COG5: variants seen among roughly 807,000 people sequenced by gnomAD.
The protein encoded by COG5 is conserved oligomeric Golgi complex subunit 5.
Under a neutral mutation model 110.4 loss-of-function variants are expected in COG5, and 86 were observed. The observed-to-expected ratio is 0.78, with a 90% CI of 0.65 to 0.93. COG5 has a LOEUF of 0.93. COG5 is among the 40% of genes least tolerant of loss of function. The probability of loss-of-function intolerance (pLI) is 0.00; values close to 1 mark genes in which losing one functional copy is unlikely to be tolerated. For synonymous variants in COG5, 360 were observed against 334.6 expected (o/e 1.08, Z -0.83); for missense variants, 1,077 against 987.0 (o/e 1.09, Z -1.22).
intron 14 of COG5, among the ~76,000 whole-genome samples, chr7:107,259,930 A>G (rs1803196954): frequency 6.6e-6 from 1 of 152,016 alleles, no homozygotes; most frequent in African/African-American, 2.4e-5. Context: ...AGGTAATAAC[A>G]AATGCTGGCT....
intron 14 of COG5, 101 bp from the exon 15 acceptor site, chr7:107,258,484 T>A: frequency 2.6e-6 from 2 of 768,242 alleles, no homozygotes; most frequent in Non-Finnish European, 4.7e-6. Flanking sequence ...ACACACATTC[T>A]TTAACCGGGG....
chr7:107,511,274 C>A (rs1325879072), intron 6 of COG5, among the ~76,000 whole-genome samples: 2 of 152,178 alleles, frequency 1.3e-5, no homozygotes, highest in East Asian at 3.8e-4. Flanking sequence ...CACCTCTACG[C>A]AAATAAACTA....
At chr7:107,473,303 A>C (rs867409750) in intron 6 of COG5, among the ~76,000 whole-genome samples, 1 of 151,926 alleles carries the variant, frequency 6.6e-6, no homozygotes, top group African/African-American at 2.4e-5. Context: ...ATTTCATAGG[A>C]GTGATTAATG....
rs1340983946 is a variant in COG5 at position 107,295,087 on chromosome 7, ATATATATATATATATTTT to A, written c.1313+3037_1313+3054del. 3.7e-4 allele frequency among the ~76,000 whole-genome samples: 26 copies of A among 69,520 alleles called. 1 individual carries two copies. The highest frequency in any genetic ancestry group is 3.4e-3 in the South Asian group (6 of 1,766). The allele number at this position is 69,520 out of a possible 152,430, so 45.6% of individuals were successfully genotyped here. A position where few individuals can be genotyped will look rare whatever the true frequency, so the allele number is the denominator to read the frequency against. The stretch of plus-strand genomic sequence containing the variant: ...CACACATATATATATATATATATAT[ATATATATATATATATTTT>A]TTTTTTTTTTTTGTAGAGTCAGGAT... On this transcript the variant is annotated intron_variant, in intron 12 of 21. Coordinates refer to ENST00000297135, the MANE Select transcript of COG5 (RefSeq NM_006348.5).
chr7:107,323,057 C>G (rs768544918), intron 11 of COG5, among the ~76,000 whole-genome samples: 1 of 152,116 alleles, frequency 6.6e-6, no homozygotes, highest in African/African-American at 2.4e-5. Flanking sequence ...TGTTCTATAT[C>G]TTAATTGTAA....
At chr7:107,554,680 T>C (rs371986202) in intron 2 of COG5, among the ~76,000 whole-genome samples, 213 of 152,264 alleles carry the variant, frequency 1.4e-3, no homozygotes, top group African/African-American at 4.2e-3. Context: ...CATCAAGGCA[T>C]TGGCAAATTC....
At chr7:107,442,314 CAGA>C (rs1794752890) in intron 6 of COG5, among the ~76,000 whole-genome samples, 1 of 152,160 alleles carries the variant, frequency 6.6e-6, no homozygotes, top group African/African-American at 2.4e-5. Flanking sequence ...TCCCTAGAAG[CAGA>C]AGAATGTACA....
chr7:107,283,730 G>A lies in COG5; in HGVS notation c.1316C>T (p.Pro439Leu), dbSNP rs1805380800. Reference protein sequence around the residue: ...IFIPKKPDYDPEKALKDSLQP... With the variant: ...IFIPKKPDYDLEKALKDSLQP... The stretch of plus-strand genomic sequence containing the variant: ...TAGTGAGTCTTTCAAAGCCTTTTCT[G>A]GACTGTGGAAACAAAATTTTTTAAA... The change falls in exon 13 of 22, where the codon CCA becomes CTA. Residue 439 changes from proline (P) to leucine (L), a missense_variant and splice_region_variant. Pro to Leu is a moderately conservative substitution (Grantham distance 98, BLOSUM62 -3). Transcript: ENST00000297135. The A allele has an allele frequency of 6.2e-6, 10 of 1,613,496 alleles. No homozygotes were observed. The highest frequency in any genetic ancestry group is 1.6e-4 in the Middle Eastern group (1 of 6,076).
chr7:107,455,985 G>A (rs1191178251), intron 6 of COG5, among the ~76,000 whole-genome samples: 1 of 151,714 alleles, frequency 6.6e-6, no homozygotes, highest in East Asian at 1.9e-4. Context: ...TTTTAGTAGA[G>A]ACAGGGTTTC....
intron 6 of COG5, among the ~76,000 whole-genome samples, chr7:107,517,024 G>T (rs555883531): frequency 6.6e-6 from 1 of 152,192 alleles, no homozygotes; most frequent in African/African-American, 2.4e-5. Flanking sequence ...ATTGACAGAA[G>T]TAGGCTTCAG....
chr7:107,283,975 A>G (rs1168762469), intron 12 of COG5, among the ~76,000 whole-genome samples: 1 of 144,722 alleles, frequency 6.9e-6, no homozygotes, highest in Non-Finnish European at 1.5e-5. Context: ...TCCTGGCTGG[A>G]GTGCAACGGC....
chr7:107,324,602 T>C, intron 10 of COG5, 81 bp from the exon 11 acceptor site: 1 of 694,018 alleles, frequency 1.4e-6, no homozygotes, highest in Non-Finnish European at 2.5e-6. Flanking sequence ...CACGTAACCT[T>C]GAAAAGTTAT....
intron 5 of COG5, among the ~76,000 whole-genome samples, chr7:107,529,843 A>G (rs1801062463): frequency 6.6e-6 from 1 of 152,138 alleles, no homozygotes; most frequent in Non-Finnish European, 1.5e-5. Context: ...TGAGGAGGCA[A>G]GAATTGAGGT....
intron 11 of COG5, among the ~76,000 whole-genome samples, chr7:107,301,087 A>C (rs1056684595): frequency 6.6e-6 from 1 of 152,192 alleles, no homozygotes; most frequent in Non-Finnish European, 1.5e-5. Context: ...TAACAATTGA[A>C]TAGCTATATG....
chr7:107,554,539 C>T (rs1803160264), intron 2 of COG5, among the ~76,000 whole-genome samples, 197 bp from the exon 3 acceptor site: 1 of 152,158 alleles, frequency 6.6e-6, no homozygotes, highest in Non-Finnish European at 1.5e-5. Flanking sequence ...CAACACAGAG[C>T]AAGAGGAGTT....
intron 16 of COG5, among the ~76,000 whole-genome samples, chr7:107,248,816 G>A (rs970193702): frequency 6.6e-6 from 1 of 152,156 alleles, no homozygotes; most frequent in Non-Finnish European, 1.5e-5. Context: ...ATGAGGTAAA[G>A]GTCAAATGAA....
intron 3 of COG5, among the ~76,000 whole-genome samples, chr7:107,549,890 T>A (rs538122681): frequency 6.6e-6 from 1 of 152,266 alleles, no homozygotes; most frequent in South Asian, 2.1e-4. Flanking sequence ...TAGTATCTGT[T>A]CAATAAAATA....
intron 6 of COG5, among the ~76,000 whole-genome samples, chr7:107,413,540 C>CA (rs58689670): frequency 0.17 from 22,949 of 138,430 alleles, 4,106 homozygotes; most frequent in African/African-American, 0.45. Context: ...AAAAACACAA[C>CA]AAAAAAAAAA....
rs538130365 is a variant in COG5 at position 107,510,477 on chromosome 7, T to C, written c.538+16760A>G. On this transcript the variant is annotated intron_variant, in intron 6 of 21. Transcript: ENST00000297135. ...GACTTTAACAACCCACTGTCAACAT[T>C]AGACAGATCAACGAGACAGAAAGTT... Among the ~76,000 whole-genome samples the C allele has an allele frequency of 5.1e-4, 77 of 152,236 alleles. 1 individual carries two copies. The highest frequency in any genetic ancestry group is 1.2e-3 in the Admixed American group (19 of 15,294).
Sources: gnomAD v4.1 joint callset for allele counts (sites outside exome capture counted in the v4.1 genomes callset) on GRCh38, gnomAD v4.1.1 for gene constraint, MANE v1.5 for transcripts, NCBI Gene and HGNC (gene_info 2026-07-23, HGNC 2026-07-21) for gene names.